PACS2: variants seen among roughly 807,000 people sequenced by gnomAD.
PACS2 encodes phosphofurin acidic cluster sorting protein 2.
Under a neutral mutation model 113.0 loss-of-function variants are expected in PACS2, and 36 were observed. The ratio of observed to expected loss-of-function variants is 0.32; its 90% CI spans 0.24 to 0.42. The LOEUF is 0.42. PACS2 is among the 10% of genes least tolerant of loss of function. The pLI is 1.00. For synonymous variants in PACS2, 589 were observed against 536.1 expected, an observed-to-expected ratio of 1.10 and a Z score of -1.36; for missense variants, 1,015 against 1,239.5, an observed-to-expected ratio of 0.82 and a Z score of 2.72.
At chr14:105,389,580 T>G in intron 19 of PACS2, 1 of 254,632 alleles carries the variant, frequency 3.9e-6, no homozygotes. Context: ...CCCAGCTTGG[T>G]GGGGAAGTGG....
At chr14:105,392,414 G>T (rs1417414635) in intron 22 of PACS2, 5 of 588,900 alleles carry the variant, frequency 8.5e-6, no homozygotes, top group Non-Finnish European at 1.5e-5. Context: ...TGTCGCCAGG[G>T]TCCCTGTAAT....
At position 105,355,013 on chromosome 14, in the gene PACS2, C is replaced by T. The variant is rs782612408; in HGVS notation, c.298-39C>T. 75 of 1,603,172 alleles carry T rather than the reference C, an allele frequency of 4.7e-5. No homozygotes were observed. The highest frequency in any genetic ancestry group is 3.2e-4 in the Admixed American group (19 of 58,896). ...GAGGCCGTGATGCTGCCTGGGGCCCCGGTGCACCCTCAGCTGCCACTCGCA... is the reference window on the plus strand; with the variant it reads ...GAGGCCGTGATGCTGCCTGGGGCCCTGGTGCACCCTCAGCTGCCACTCGCA... On this transcript the variant is annotated intron_variant, in intron 3 of 24. Coordinates refer to ENST00000447393, the MANE Select transcript of PACS2 (RefSeq NM_001100913.3). The surrounding 1 kb of genome is among the most constrained non-coding windows in gnomAD (Gnocchi z 4.1).
At chr14:105,390,893 G>A (rs1247573001) in intron 20 of PACS2, 13 of 431,764 alleles carry the variant, frequency 3.0e-5, no homozygotes, top group South Asian at 2.1e-4. Context: ...CCGTCGGCCC[G>A]CCAAGGTCCC....
rs1162061098 is a variant in PACS2 at position 105,315,809 on chromosome 14, A to G, written c.119+772A>G. On this transcript the variant is annotated intron_variant, in intron 1 of 24. Transcript: ENST00000447393. This position sits in a 1 kb window ranked among gnomAD's most constrained non-coding sequence, Gnocchi z 4.4. ...CTTCGTGACTTGGTAGTTCCTGCTC[A>G]GGAAGCTCCCAGGCTAAGGAGGAGA... 6.6e-6 allele frequency among the ~76,000 whole-genome samples: 1 copy of G among 152,228 alleles called. No individual in the cohort carries two copies. The highest frequency in any genetic ancestry group is 1.5e-5 in the Non-Finnish European group (1 of 68,044).
upstream of PACS2, among the ~76,000 whole-genome samples, chr14:105,313,656 C>G (rs754349056): frequency 1.4e-4 from 21 of 152,372 alleles, no homozygotes; most frequent in Non-Finnish European, 2.5e-4. Flanking sequence ...AGGAAAGAAA[C>G]CAGCTCCAGG....
intron 4 of PACS2, among the ~76,000 whole-genome samples, chr14:105,364,313 G>A (rs1424329757): frequency 1.4e-5 from 2 of 146,366 alleles, no homozygotes; most frequent in Non-Finnish European, 3.0e-5. Context: ...TGGGCGTCCC[G>A]GGTGCGCGGT....
At position 105,385,608 on chromosome 14, in the gene PACS2, T is replaced by C. The variant is rs916676849; in HGVS notation, c.2001-77T>C. ...CCCCAGTGAGATGGGAGCCACTGAG[T>C]GCCCTCGGCGGTCCCTGGAGGGGTC... On this transcript the variant is annotated intron_variant, in intron 18 of 24. Transcript: ENST00000447393. 2.5e-5 allele frequency: 24 copies of C among 961,708 alleles called. No homozygotes were observed. In the Admixed American group the frequency reaches 3.7e-4, roughly 15 times the overall value. 59.6% of individuals were successfully genotyped at this position (961,708 alleles called of 1,614,324 possible).
Position 105,357,799 on chromosome 14 carries a change from T to C in PACS2, c.423+2622T>C, listed in dbSNP as rs1595685493. Among the ~76,000 whole-genome samples, 1 of 151,698 alleles carries C rather than the reference T, an allele frequency of 6.6e-6. No homozygotes were observed. Among genetic ancestry groups the C allele is most frequent in the Non-Finnish European group, 1.5e-5 (1 of 67,946 alleles). On this transcript the variant is annotated intron_variant, in intron 4 of 24. Coordinates refer to ENST00000447393, the MANE Select transcript of PACS2 (RefSeq NM_001100913.3). This position sits in a 1 kb window ranked among gnomAD's most constrained non-coding sequence, Gnocchi z 5.1. ...CACGCCTGAGACGGGGGTGAGGGCATGGGTGCTGCCATAGGGACTGTCGTG... is the reference window on the plus strand; with the variant it reads ...CACGCCTGAGACGGGGGTGAGGGCACGGGTGCTGCCATAGGGACTGTCGTG...
chr14:105,332,369 GT>G (rs1271402261), intron 1 of PACS2, among the ~76,000 whole-genome samples: 1 of 152,212 alleles, frequency 6.6e-6, no homozygotes, highest in Admixed American at 6.5e-5. Context: ...GAGCACGGGG[GT>G]TTTGCCTGGT....
chr14:105,366,738 G>A lies in PACS2; in HGVS notation c.424-475G>A, dbSNP rs994662529. On this transcript the variant is annotated intron_variant, in intron 4 of 24. Coordinates refer to ENST00000447393, the MANE Select transcript of PACS2 (RefSeq NM_001100913.3). The surrounding 1 kb of genome is among the most constrained non-coding windows in gnomAD (Gnocchi z 4.3). ...ATTGGCTCCTGTGGGTTGGGCAGCC[G>A]GCTTCACACACTGCTTTGCTGCTGC... is the stretch of plus-strand genomic sequence containing the variant. Among the ~76,000 whole-genome samples, 20 of 152,138 alleles carry A rather than the reference G, an allele frequency of 1.3e-4. No homozygotes were observed. The highest frequency in any genetic ancestry group is 2.1e-4 in the Non-Finnish European group (14 of 68,000).
At chr14:105,380,293 CAG>C (rs1417813373) in intron 11 of PACS2, 139 bp downstream of exon 11, 13 of 702,984 alleles carry the variant, frequency 1.8e-5, no homozygotes, top group Non-Finnish European at 3.1e-5. Context: ...GGTCAGCCCT[CAG>C]GGGTGGCCAG....
chr14:105,378,559 G>A (rs891615921), intron 9 of PACS2, among the ~76,000 whole-genome samples: 70 of 152,322 alleles, frequency 4.6e-4, no homozygotes, highest in African/African-American at 1.6e-3. Flanking sequence ...AATGGCGTGC[G>A]CCACCACACC....
At chr14:105,333,371 G>T (rs2059379193) in intron 1 of PACS2, among the ~76,000 whole-genome samples, 1 of 152,236 alleles carries the variant, frequency 6.6e-6, no homozygotes, top group Non-Finnish European at 1.5e-5. Context: ...TTCCCATGGC[G>T]CCACTGCTGT....
In PACS2 at chr14:105,317,487, C is replaced by T. The variant is rs1177700999; in HGVS notation, c.119+2450C>T. ...CCACTGCTCCACATTTGTGCCAACA[C>T]TCATTTGACTTAATTTTTGCCAGTC... is the stretch of plus-strand genomic sequence containing the variant. On this transcript the variant is annotated intron_variant, in intron 1 of 24. Coordinates refer to ENST00000447393, the MANE Select transcript of PACS2 (RefSeq NM_001100913.3). The surrounding 1 kb of genome is among the most constrained non-coding windows in gnomAD (Gnocchi z 4.2). Among the ~76,000 whole-genome samples the T allele has an allele frequency of 2.0e-5, 3 of 152,218 alleles. No individual in the cohort carries two copies. The highest frequency in any genetic ancestry group is 2.9e-5 in the Non-Finnish European group (2 of 68,048).
At position 105,391,628 on chromosome 14, in the gene PACS2, A is replaced by C. The variant is rs2081360041; in HGVS notation, c.2120-3A>C. The C allele has an allele frequency of 6.2e-7, 1 of 1,605,874 alleles. No individual in the cohort carries two copies. The highest frequency in any genetic ancestry group is 2.2e-5 in the East Asian group (1 of 44,574). ...CAGCCTGCCCTGTGACTCCTCCCCA[A>C]AGGCGACTCGGACGACGCGGCCCCC... is the stretch of plus-strand genomic sequence containing the variant. On this transcript the variant is annotated splice_polypyrimidine_tract_variant and splice_region_variant and intron_variant, in intron 21 of 24. Coordinates refer to ENST00000447393, the MANE Select transcript of PACS2 (RefSeq NM_001100913.3).
chr14:105,389,504 G>A (rs1333527149), intron 19 of PACS2: 7 of 185,498 alleles, frequency 3.8e-5, no homozygotes, highest in African/African-American at 1.6e-4. Flanking sequence ...TACCAGAGAG[G>A]GCCCAGGCTC....
Position 105,309,352 on chromosome 14 carries a change from T to C in PACS2, c.-83+8373T>C, listed in dbSNP as rs1566886258. Among the ~76,000 whole-genome samples the C allele has an allele frequency of 6.6e-6, 1 of 152,116 alleles. No individual in the cohort carries two copies. The highest frequency in any genetic ancestry group is 1.5e-5 in the Non-Finnish European group (1 of 68,022). On this transcript the variant is annotated intron_variant, in intron 1 of 23. Transcript: ENST00000430725. The surrounding 1 kb of genome is among the most constrained non-coding windows in gnomAD (Gnocchi z 4.0). ...CCCTGATTTGTCACACAATCACATA[T>C]CTGAGAATTTCCCCATGTTGCTAAA...
intron 1 of PACS2, among the ~76,000 whole-genome samples, chr14:105,307,901 A>G (rs2058236084): frequency 6.6e-6 from 1 of 152,338 alleles, no homozygotes; most frequent in South Asian, 2.1e-4. Context: ...GTCAAGGGCC[A>G]GGCCAGGACA....
At chr14:105,350,591 G>A (rs2060133074) in intron 2 of PACS2, among the ~76,000 whole-genome samples, 1 of 152,118 alleles carries the variant, frequency 6.6e-6, no homozygotes, top group Non-Finnish European at 1.5e-5. Flanking sequence ...CTCCTCATCT[G>A]CTTCTCTTGG....
Sources: gnomAD v4.1 joint callset for allele counts (sites outside exome capture counted in the v4.1 genomes callset) on GRCh38, gnomAD v4.1.1 for gene constraint, Gnocchi (gnomAD v3.1) non-coding constraint, MANE v1.5 for transcripts, NCBI Gene and HGNC (gene_info 2026-07-23, HGNC 2026-07-21) for gene names.